SGO1: variants seen among roughly 807,000 people sequenced by gnomAD.
The protein encoded by SGO1 is serologically defined breast cancer antigen NY-BR-85.
In SGO1, 39 loss-of-function variants were observed where a neutral mutation model predicts 50.5. The observed-to-expected ratio is 0.77, with a 90% CI of 0.60 to 1.01. The LOEUF is 1.01. Among genes scored for constraint, SGO1 ranks in the 50% least tolerant of loss-of-function variants. The pLI is 0.00. For missense variants in SGO1, 638 were observed against 606.0 expected (o/e 1.05, Z -0.55); for synonymous variants, 191 against 205.1 (o/e 0.93, Z 0.59).
In SGO1 at chr3:20,183,647, T is replaced by C; in HGVS notation, c.300A>G (p.Lys100=). 2 of 1,601,786 alleles carry C rather than the reference T, an allele frequency of 1.2e-6. No homozygotes were observed. The highest frequency in any genetic ancestry group is 1.7e-6 in the Non-Finnish European group (2 of 1,176,968). ...YYLTCQLYAL[K]GKLTSQQTVE... is the part of the protein sequence containing the mutation. ...CTGTTTGTTGTGATGTAAGTTTTCCTTTCAATGCATATAGCTGACATGTGA... is the reference window on the plus strand; with the variant it reads ...CTGTTTGTTGTGATGTAAGTTTTCCCTTCAATGCATATAGCTGACATGTGA... The change falls in exon 3 of 8, where the codon AAA becomes AAG. Residue 100 remains lysine (K), a synonymous_variant. Transcript: ENST00000412997.
rs757608866 is a variant in SGO1, at chr3:20,161,228, T to G, written c.1565-2A>C. 2.5e-6 allele frequency: 4 copies of G among 1,570,732 alleles called. No homozygotes were observed. Among genetic ancestry groups the G allele is most frequent in the Middle Eastern group, 1.7e-4 (1 of 5,788 alleles). ...TGGCAGGTGATACCTCCAGGGCTCC[T>G]GGTAAAAGCAAACACAAAATCAGTC... is the stretch of plus-strand genomic sequence containing the variant. On this transcript the variant is annotated splice_acceptor_variant, in intron 8 of 8. Transcript: ENST00000263753. LOFTEE classifies it high-confidence loss of function.
intron 3 of SGO1, among the ~76,000 whole-genome samples, chr3:20,178,742 A>G (rs1320733761): frequency 3.9e-5 from 6 of 152,198 alleles, no homozygotes; most frequent in Non-Finnish European, 1.5e-5. Context: ...AACAGCAAAT[A>G]CACATAAGAA....
At chr3:20,178,780 G>A (rs761214815) in intron 3 of SGO1, among the ~76,000 whole-genome samples, 20 of 152,178 alleles carry the variant, frequency 1.3e-4, no homozygotes, top group Non-Finnish European at 2.5e-4. Context: ...GGAAAGAAAG[G>A]TTGTTGTGGC....
At chr3:20,163,405 C>T (rs2125224329) in intron 8 of SGO1, among the ~76,000 whole-genome samples, 1 of 152,210 alleles carries the variant, frequency 6.6e-6, no homozygotes, top group East Asian at 1.9e-4. Flanking sequence ...TTGTCTGAAT[C>T]ATCAGAATCA....
chr3:20,175,750 G>T (rs949997829), intron 5 of SGO1, among the ~76,000 whole-genome samples: 3 of 150,856 alleles, frequency 2.0e-5, no homozygotes, highest in African/African-American at 7.3e-5. Flanking sequence ...AGTGAGCTGA[G>T]ATCGCACCAC....
intron 8 of SGO1, among the ~76,000 whole-genome samples, chr3:20,161,982 A>G (rs1173031261): frequency 2.0e-5 from 3 of 152,186 alleles, no homozygotes; most frequent in African/African-American, 7.2e-5. Context: ...TTCTTCCTAT[A>G]TTTCTTCCCA....
chr3:20,163,397 G>C (rs1389177074), intron 8 of SGO1, among the ~76,000 whole-genome samples: 3 of 152,118 alleles, frequency 2.0e-5, no homozygotes, highest in African/African-American at 7.2e-5. Flanking sequence ...CATTGGAATT[G>C]TCTGAATCAT....
chr3:20,171,506 T>C (rs1401546208), intron 6 of SGO1, among the ~76,000 whole-genome samples: 2 of 152,156 alleles, frequency 1.3e-5, no homozygotes, highest in Non-Finnish European at 2.9e-5. Flanking sequence ...GCCCAGCCAA[T>C]AATAAATTCT....
Position 20,170,644 on chromosome 3 carries a change from CCT to C in SGO1, c.*58_*59del. ...ACTCTGTTTGTGTACTCTTACAGATCCTCTCCTGAAGCAACAGAAAGAGGTGT... is the reference window on the plus strand; with the variant it reads ...ACTCTGTTTGTGTACTCTTACAGATCCTCCTGAAGCAACAGAAAGAGGTGT... On this transcript the variant is annotated 3_prime_UTR_variant, in exon 8 of 8. Coordinates refer to ENST00000412997, the MANE Select transcript of SGO1 (RefSeq NM_001199251.3). 1 of 1,475,302 alleles carries C rather than the reference CCT, an allele frequency of 6.8e-7. No homozygotes were observed. The allele number at this position is 1,475,302 out of a possible 1,614,324, so 91.4% of individuals were successfully genotyped here. A position where few individuals can be genotyped will look rare whatever the true frequency, so the allele number is the denominator to read the frequency against.
At chr3:20,185,624 G>C (rs1702565312) in intron 1 of SGO1, among the ~76,000 whole-genome samples, 1 of 152,230 alleles carries the variant, frequency 6.6e-6, no homozygotes, top group Admixed American at 6.5e-5. Context: ...AAGTGAGGAA[G>C]AGAATGGCCT....
intron 3 of SGO1, among the ~76,000 whole-genome samples, 169 bp from the exon 4 acceptor site, chr3:20,178,516 C>G (rs1197983935): frequency 6.6e-6 from 1 of 152,134 alleles, no homozygotes; most frequent in Admixed American, 6.5e-5. Context: ...CCTTTTAAAG[C>G]TTACATTCTA....
chr3:20,185,227 A>T (rs1702499416), intron 1 of SGO1, among the ~76,000 whole-genome samples: 3 of 152,210 alleles, frequency 2.0e-5, no homozygotes, highest in Non-Finnish European at 4.4e-5. Context: ...TTACACAATT[A>T]AGTTAGAATT....
chr3:20,180,046 T>TAGCATTTAGGG (rs1318864174), intron 3 of SGO1, among the ~76,000 whole-genome samples: 1 of 152,062 alleles, frequency 6.6e-6, no homozygotes, highest in African/African-American at 2.4e-5. Context: ...CCTGTAATCC[T>TAGCATTTAGGG]AGCATTTAGG....
downstream of SGO1, chr3:20,169,291 A>C: frequency 1.0e-6 from 1 of 985,062 alleles, no homozygotes; most frequent in Non-Finnish European, 1.2e-6. Context: ...GTTAGGTTGA[A>C]AGTATGGAGG....
intron 6 of SGO1, among the ~76,000 whole-genome samples, chr3:20,172,266 C>T (rs1290493019): frequency 6.6e-6 from 1 of 152,130 alleles, no homozygotes; most frequent in Non-Finnish European, 1.5e-5. Flanking sequence ...CTTAGGGAGG[C>T]CGAGGTGGGC....
At chr3:20,169,468 GAAGGA>G, downstream of SGO1, 1 of 981,402 alleles carries the variant, frequency 1.0e-6, no homozygotes, top group Middle Eastern at 5.3e-4. Context: ...TTAAAGAATA[GAAGGA>G]AAGCAATCAC....
At position 20,185,363 on chromosome 3, in the gene SGO1, C is replaced by T. The variant is rs149213879; in HGVS notation, c.-8+585G>A. ...ATCAAGTTAAAAATCACAAAAGAAA[C>T]TTGCCATATCAAAAGTTTTATATCC... On this transcript the variant is annotated intron_variant, in intron 1 of 7. Transcript: ENST00000412997. Among the ~76,000 whole-genome samples, 290 of 152,272 alleles carry T rather than the reference C, an allele frequency of 1.9e-3. 4 individuals carry two copies. Among genetic ancestry groups the T allele is most frequent in the African/African-American group, 6.7e-3 (277 of 41,536 alleles).
At chr3:20,175,691 C>A (rs976996089) in intron 5 of SGO1, among the ~76,000 whole-genome samples, 1 of 151,318 alleles carries the variant, frequency 6.6e-6, no homozygotes. Context: ...CCCAACTACT[C>A]GGGAGACTGA....
At chr3:20,173,917 A>G (rs1274824475) in intron 6 of SGO1, among the ~76,000 whole-genome samples, 2 of 152,214 alleles carry the variant, frequency 1.3e-5, no homozygotes, top group African/African-American at 2.4e-5. Flanking sequence ...TTCACTTTCA[A>G]GGGGATACTT....
Sources: gnomAD v4.1 joint callset for allele counts (sites outside exome capture counted in the v4.1 genomes callset) on GRCh38, gnomAD v4.1.1 for gene constraint, MANE v1.5 for transcripts, NCBI Gene and HGNC (gene_info 2026-07-23, HGNC 2026-07-21) for gene names.